Variants in SPATA16 observed in about 807,000 individuals in gnomAD.
SPATA16 encodes the protein spermatogenesis associated 16.
Under a neutral mutation model 63.3 loss-of-function variants are expected in SPATA16, and 36 were observed. That is an observed-to-expected ratio of 0.57 (90% CI 0.44 to 0.75). The LOEUF is 0.75. SPATA16 is among the 30% of genes least tolerant of loss of function. The pLI, the probability that SPATA16 is intolerant of heterozygous loss-of-function variation, is 0.00. For missense variants in SPATA16, 646 were observed against 679.3 expected (o/e 0.95, Z 0.54); for synonymous variants, 203 against 216.7 (o/e 0.94, Z 0.56).
intron 4 of SPATA16, among the ~76,000 whole-genome samples, chr3:173,006,810 C>A (rs1391426313): frequency 6.6e-6 from 1 of 151,494 alleles, no homozygotes; most frequent in Non-Finnish European, 1.5e-5. Flanking sequence ...TTTATATATG[C>A]ATTATTTCCA....
chr3:172,890,361 A>AT (rs1731868366), intron 10 of SPATA16, among the ~76,000 whole-genome samples: 1 of 152,002 alleles, frequency 6.6e-6, no homozygotes, highest in South Asian at 2.1e-4. Context: ...GTTTGTCAGA[A>AT]AAAACTATAG....
intron 2 of SPATA16, among the ~76,000 whole-genome samples, chr3:173,089,281 G>A (rs1253577282): frequency 6.6e-6 from 1 of 152,226 alleles, no homozygotes; most frequent in East Asian, 1.9e-4. Flanking sequence ...CTGATGTGAA[G>A]ACATGCGTCC....
rs144424720 is a variant in SPATA16 at position 172,945,974 on chromosome 3, A to T, written c.1081+10703T>A. ...AGGTAGTACAGCTCACAGCTCTGGG[A>T]GAGACTCCTTCCTTCTGCTTCAGAA... On this transcript the variant is annotated intron_variant, in intron 6 of 10. Transcript: ENST00000351008. Among the ~76,000 whole-genome samples, 365 of 152,236 alleles carry T rather than the reference A, an allele frequency of 2.4e-3. 2 individuals are homozygous for T. Among genetic ancestry groups the T allele is most frequent in the African/African-American group, 8.3e-3 (346 of 41,534 alleles).
At chr3:172,984,039 A>T (rs1477943299) in intron 4 of SPATA16, among the ~76,000 whole-genome samples, 1 of 134,342 alleles carries the variant, frequency 7.4e-6, no homozygotes, top group Non-Finnish European at 1.5e-5. Context: ...ACCTGTGTTT[A>T]CTTGCTTATT....
intron 2 of SPATA16, among the ~76,000 whole-genome samples, chr3:173,065,768 TAGG>T: frequency 6.6e-6 from 1 of 152,074 alleles, no homozygotes; most frequent in African/African-American, 2.4e-5. Flanking sequence ...GAACACAACA[TAGG>T]GCAGAAATCT....
At chr3:173,077,127 T>C (rs1050587811) in intron 2 of SPATA16, among the ~76,000 whole-genome samples, 5 of 152,178 alleles carry the variant, frequency 3.3e-5, no homozygotes, top group African/African-American at 1.2e-4. Flanking sequence ...ATCTGTTCAA[T>C]ATCATATGGC....
chr3:173,061,772 T>C (rs1567717), intron 2 of SPATA16, among the ~76,000 whole-genome samples: 33,019 of 152,148 alleles, frequency 0.22, 4,639 homozygotes, highest in African/African-American at 0.4. Context: ...TGTAACTTTC[T>C]ACATGGTACC....
intron 10 of SPATA16, 150 bp from the exon 11 acceptor site, chr3:172,889,842 G>T (rs1293562864): frequency 1.3e-5 from 15 of 1,150,508 alleles, no homozygotes. Flanking sequence ...ACACATAAAA[G>T]CCTTCTTCTG....
At chr3:173,006,080 G>A (rs1019133881) in intron 4 of SPATA16, among the ~76,000 whole-genome samples, 2 of 152,138 alleles carry the variant, frequency 1.3e-5, no homozygotes, top group Non-Finnish European at 2.9e-5. Flanking sequence ...TGGATGAGCT[G>A]TAGTCTTAAA....
chr3:173,051,950 T>G (rs1736110078), intron 2 of SPATA16, among the ~76,000 whole-genome samples: 1 of 152,014 alleles, frequency 6.6e-6, no homozygotes, highest in African/African-American at 2.4e-5. Flanking sequence ...TAACTAGGAC[T>G]ACAGGCATGT....
chr3:173,007,881 C>T (rs1327356732), intron 4 of SPATA16, among the ~76,000 whole-genome samples: 1 of 151,712 alleles, frequency 6.6e-6, no homozygotes, highest in Non-Finnish European at 1.5e-5. Context: ...GAAGCTCAGC[C>T]TTTACCCTTA....
intron 1 of SPATA16, among the ~76,000 whole-genome samples, chr3:173,139,150 A>G (rs1015641732): frequency 6.6e-6 from 1 of 152,192 alleles, no homozygotes; most frequent in Non-Finnish European, 1.5e-5. Context: ...GAAAACAGTA[A>G]CCGCTCAATA....
At chr3:173,137,822 AACACACACACACACACACACAC>A (rs1185263699) in intron 1 of SPATA16, among the ~76,000 whole-genome samples, 6 of 122,210 alleles carry the variant, frequency 4.9e-5, no homozygotes, top group African/African-American at 1.8e-4. Flanking sequence ...ATGGACTCTC[AACACACACACACACACACACAC>A]ACACACACAC....
intron 1 of SPATA16, among the ~76,000 whole-genome samples, chr3:173,122,630 CA>C (rs1175117888): frequency 6.6e-6 from 1 of 152,022 alleles, no homozygotes; most frequent in African/African-American, 2.4e-5. Context: ...AAACACACTA[CA>C]AAATATTTCT....
At chr3:172,914,580 C>A (rs1291812908) in intron 9 of SPATA16, among the ~76,000 whole-genome samples, 1 of 152,086 alleles carries the variant, frequency 6.6e-6, no homozygotes, top group Non-Finnish European at 1.5e-5. Flanking sequence ...GTTTAGATAG[C>A]AGCATACAGG....
intron 1 of SPATA16, among the ~76,000 whole-genome samples, chr3:173,140,415 G>T (rs1368310102): frequency 6.6e-6 from 1 of 152,154 alleles, no homozygotes; most frequent in African/African-American, 2.4e-5. Flanking sequence ...TGCTCACGCT[G>T]AACAACCTTT....
chr3:172,946,939 A>G (rs73882542), intron 6 of SPATA16, among the ~76,000 whole-genome samples: 13,281 of 152,144 alleles, frequency 0.087, 1,935 homozygotes, highest in African/African-American at 0.3. Flanking sequence ...CCCAGTTGTC[A>G]TGGCCATAGG....
intron 1 of SPATA16, among the ~76,000 whole-genome samples, chr3:173,124,611 C>A (rs1185320601): frequency 1.3e-5 from 2 of 152,152 alleles, no homozygotes; most frequent in Admixed American, 6.5e-5. Context: ...TTAAGAAAAA[C>A]AACAACAACA....
At chr3:172,908,173 T>C (rs1732284857) in intron 10 of SPATA16, among the ~76,000 whole-genome samples, 1 of 152,196 alleles carries the variant, frequency 6.6e-6, no homozygotes, top group Non-Finnish European at 1.5e-5. Flanking sequence ...AAATGAGCAA[T>C]GTGTCAACAG....
Sources: allele counts gnomAD v4.1 joint callset (sites outside exome capture counted in the v4.1 genomes callset), GRCh38; gene constraint gnomAD v4.1.1; transcripts MANE v1.5; gene names NCBI Gene and HGNC (gene_info 2026-07-23, HGNC 2026-07-21).